ATG16L2: variants seen among roughly 807,000 people sequenced by gnomAD.
ATG16L2 encodes the protein protein Atg16l2.
ATG16L2 carries 77 observed loss-of-function variants against 84.7 expected under a neutral mutation model. The observed-to-expected ratio is 0.91, with a 90% CI of 0.76 to 1.10. ATG16L2 has a LOEUF of 1.10. Ranked by LOEUF, ATG16L2 falls within the 50% of genes least tolerant of loss-of-function variation. The pLI, the probability that ATG16L2 is intolerant of heterozygous loss-of-function variation, is 0.00. For missense variants in ATG16L2, 782 were observed against 817.6 expected (o/e 0.96, Z 0.53); for synonymous variants, 361 against 342.8 (o/e 1.05, Z -0.59).
chr11:72,822,033 C>T lies in ATG16L2; in HGVS notation c.393-11C>T, dbSNP rs768856550. 4.8e-5 allele frequency: 71 copies of T among 1,494,696 alleles called. 1 individual carries two copies. The South Asian group carries it at 9.0e-4, about 19-fold the overall frequency. 92.6% of individuals were successfully genotyped at this position (1,494,696 alleles called of 1,614,324 possible). ...GCTTGGGACCCGCTATCCGCTCTTT[C>T]CGTCCTCCAGGCTGGCAGCCCTGGA... On this transcript the variant is annotated splice_polypyrimidine_tract_variant and intron_variant, in intron 4 of 17. Transcript: ENST00000321297. The surrounding 1 kb of genome is among the most constrained non-coding windows in gnomAD (Gnocchi z 4.2).
intron 3 of ATG16L2, 149 bp from the exon 4 acceptor site, chr11:72,821,519 G>C: frequency 6.9e-7 from 1 of 1,442,384 alleles, no homozygotes; most frequent in Non-Finnish European, 9.1e-7. Flanking sequence ...GCGTCCCTGT[G>C]CAAGGTCCCA....
chr11:72,821,593 T>A, intron 3 of ATG16L2, 75 bp from the exon 4 acceptor site: 2 of 1,504,642 alleles, frequency 1.3e-6, no homozygotes, highest in Non-Finnish European at 1.8e-6. Flanking sequence ...CCGACTCCCT[T>A]AGCGCCTTCG....
chr11:72,838,738 C>T (rs1272818898), intron 5 of ATG16L2: 2 of 1,488,128 alleles, frequency 1.3e-6, no homozygotes, highest in Non-Finnish European at 1.8e-6. Flanking sequence ...CAAGACTGGC[C>T]AAACTCCAAG....
intron 3 of ATG16L2, among the ~76,000 whole-genome samples, chr11:72,819,958 G>A (rs2135085320): frequency 6.6e-6 from 1 of 152,178 alleles, no homozygotes. Context: ...TGTTAGCTAG[G>A]ATGGTTTTGA....
In ATG16L2 at chr11:72,817,826, G is replaced by C; in HGVS notation, c.289G>C (p.Glu97Gln). ...VALRVKWQEE[E>Q]EGLRLVCGEM... ...ACTGAGGGTGAAGTGGCAGGAGGAGGAGGAGGGGCTCCGGCTGGTCTGTGG... is the reference window on the plus strand; with the variant it reads ...ACTGAGGGTGAAGTGGCAGGAGGAGCAGGAGGGGCTCCGGCTGGTCTGTGG... The change falls in exon 3 of 18, where the codon GAG (glutamate) becomes CAG (glutamine). Residue 97 changes from glutamate (E) to glutamine (Q), a missense_variant. Coordinates refer to ENST00000321297, the MANE Select transcript of ATG16L2 (RefSeq NM_033388.2). 1.2e-6 allele frequency: 2 copies of C among 1,612,816 alleles called. No homozygotes were observed. The highest frequency in any genetic ancestry group is 2.2e-5 in the South Asian group (2 of 91,080).
chr11:72,842,969 A>T lies in ATG16L2; in HGVS notation c.*374A>T, dbSNP rs190366587. ...ATAGGATTAAAGTTGTAATTTTTTT[A>T]CTCACTGATGAATGATTAACTTTAG... On this transcript the variant is annotated 3_prime_UTR_variant, in exon 6 of 6. Transcript: ENST00000534905. 747 of 895,406 alleles carry T rather than the reference A, an allele frequency of 8.3e-4. 7 individuals are homozygous for T. The African/African-American group carries it at 0.012, about 14-fold the overall frequency. The allele number at this position is 895,406 out of a possible 1,614,324, so 55.5% of individuals were successfully genotyped here.
chr11:72,826,303 G>A, intron 11 of ATG16L2, 60 bp downstream of exon 11: 1 of 1,565,186 alleles, frequency 6.4e-7, no homozygotes, highest in East Asian at 2.3e-5. Flanking sequence ...ACACTGGGCA[G>A]GTGGGGGCTG....
At chr11:72,843,010 G>T in exon 6 of ATG16L2, 1 of 928,904 alleles carries the variant, frequency 1.1e-6, no homozygotes, top group Non-Finnish European at 1.6e-6. Context: ...TACTGTGCAG[G>T]ACAAACGTGA....
exon 6 of ATG16L2, chr11:72,842,993 A>G: frequency 1.2e-6 from 1 of 864,962 alleles, no homozygotes; most frequent in Non-Finnish European, 1.8e-6. Context: ...GATTAACTTT[A>G]GGGTTCTACT....
At position 72,822,043 on chromosome 11, in the gene ATG16L2, G is replaced by T; in HGVS notation, c.393-1G>T. ...CGCTATCCGCTCTTTCCGTCCTCCA[G>T]GCTGGCAGCCCTGGAGGCCCGCGTG... is the stretch of plus-strand genomic sequence containing the variant. On this transcript the variant is annotated splice_acceptor_variant, in intron 4 of 17. Transcript: ENST00000321297. LOFTEE classifies it high-confidence loss of function. The surrounding 1 kb of genome is among the most constrained non-coding windows in gnomAD (Gnocchi z 4.2). 1 of 1,498,138 alleles carries T rather than the reference G, an allele frequency of 6.7e-7. No homozygotes were observed. Among genetic ancestry groups the T allele is most frequent in the Non-Finnish European group, 8.8e-7 (1 of 1,140,448 alleles). The allele number at this position is 1,498,138 out of a possible 1,614,324, so 92.8% of individuals were successfully genotyped here.
At chr11:72,831,980 G>A (rs1360259467), downstream of ATG16L2, among the ~76,000 whole-genome samples, 1 of 152,204 alleles carries the variant, frequency 6.6e-6, no homozygotes, top group East Asian at 1.9e-4. Flanking sequence ...TACCACGGGG[G>A]TAGAGGTGTG....
At chr11:72,843,213 T>A in exon 6 of ATG16L2, 1 of 1,614,028 alleles carries the variant, frequency 6.2e-7, no homozygotes, top group South Asian at 1.1e-5. Context: ...GCTGGACGTG[T>A]GTGACCGACT....
chr11:72,823,656 T>C (rs1160035542), intron 7 of ATG16L2: 1 of 452,516 alleles, frequency 2.2e-6, no homozygotes, highest in Non-Finnish European at 4.4e-6. Flanking sequence ...GCCAAGTCAT[T>C]GTAGGACACA....
chr11:72,830,944 A>G (rs1860593506), downstream of ATG16L2, among the ~76,000 whole-genome samples: 1 of 152,102 alleles, frequency 6.6e-6, no homozygotes. Context: ...CCTTGCTATC[A>G]TGAGTGCATC....
Position 72,826,823 on chromosome 11 carries a change from T to C in ATG16L2, c.1366T>C (p.Cys456Arg), listed in dbSNP as rs766028610. The change falls in exon 13 of 18, where the codon TGC becomes CGC. Residue 456 changes from cysteine (C) to arginine (R), a missense_variant and splice_region_variant. Physicochemically the swap from Cys to Arg is radical, Grantham distance 180. Transcript: ENST00000321297. The stretch of plus-strand genomic sequence containing the variant: ...GGAGTGGGACCTCGGCCGTGCCTAT[T>C]GTGAGCCCGAGCCCCAGCCCCACCT... ...VKEWDLGRAYCSRTINVLSYC... is the reference protein window; with the variant it reads ...VKEWDLGRAYRSRTINVLSYC... 2 of 1,612,970 alleles carry C rather than the reference T, an allele frequency of 1.2e-6. No homozygotes were observed. The highest frequency in any genetic ancestry group is 1.7e-6 in the Non-Finnish European group (2 of 1,179,758).
At chr11:72,817,630 G>A (rs914723076) in intron 2 of ATG16L2, 126 bp from the exon 3 acceptor site, 8 of 855,150 alleles carry the variant, frequency 9.4e-6, no homozygotes, top group Non-Finnish European at 1.5e-5. Flanking sequence ...CTGGCTTGCT[G>A]GCTTCCATCT....
intron 14 of ATG16L2, among the ~76,000 whole-genome samples, chr11:72,827,826 G>A (rs546559006): frequency 1.3e-5 from 2 of 152,312 alleles, no homozygotes; most frequent in South Asian, 2.1e-4. Flanking sequence ...GCAGCTACTT[G>A]GGAGGCTGAG....
intron 1 of ATG16L2, 73 bp from the exon 2 acceptor site, chr11:72,816,654 CG>C (rs2135070696): frequency 8.0e-7 from 1 of 1,255,376 alleles, no homozygotes; most frequent in Non-Finnish European, 1.2e-6. Flanking sequence ...CCCTTTTAGC[CG>C]GAGATAAATT....
chr11:72,817,623 G>A (rs1859767338), intron 2 of ATG16L2, 133 bp from the exon 3 acceptor site: 2 of 799,222 alleles, frequency 2.5e-6, no homozygotes, highest in African/African-American at 1.7e-5. Context: ...TCCTTTACTG[G>A]CTTGCTGGCT....
Sources: gnomAD v4.1 joint callset for allele counts (sites outside exome capture counted in the v4.1 genomes callset) on GRCh38, gnomAD v4.1.1 for gene constraint, Gnocchi (gnomAD v3.1) non-coding constraint, MANE v1.5 for transcripts, NCBI Gene and HGNC (gene_info 2026-07-23, HGNC 2026-07-21) for gene names.